BABAM2: variants seen among roughly 807,000 people sequenced by gnomAD.
The protein encoded by BABAM2 is BRISC and BRCA1 A complex member 2.
In BABAM2, 31 loss-of-function variants were observed where a neutral mutation model predicts 54.7. The observed-to-expected ratio is 0.57, with a 90% CI of 0.43 to 0.77. The LOEUF (loss-of-function observed/expected upper bound fraction) is 0.77, where lower values mean the gene tolerates loss of function less well. BABAM2 is among the 30% of genes least tolerant of loss of function. The pLI is 0.00. For missense variants in BABAM2, 364 were observed against 455.8 expected (o/e 0.80, Z 1.83); for synonymous variants, 167 against 162.9 (o/e 1.03, Z -0.19).
At chr2:28,096,649 C>T (rs2148701577) in intron 6 of BABAM2, among the ~76,000 whole-genome samples, 1 of 152,196 alleles carries the variant, frequency 6.6e-6, no homozygotes, top group Non-Finnish European at 1.5e-5. Context: ...ATTATGTTAA[C>T]ATGTCATAGT....
intron 7 of BABAM2, among the ~76,000 whole-genome samples, chr2:28,149,345 C>G (rs1209811816): frequency 1.3e-5 from 2 of 152,100 alleles, no homozygotes; most frequent in African/African-American, 4.8e-5. Context: ...GGCCTTCATT[C>G]CCCCGTCTTG....
chr2:28,083,320 C>T (rs1263176119), intron 6 of BABAM2, among the ~76,000 whole-genome samples: 1 of 152,158 alleles, frequency 6.6e-6, no homozygotes, highest in East Asian at 1.9e-4. Context: ...TCAGTACCAC[C>T]TCCTCAACCC....
At chr2:28,308,077 C>T (rs1688718961) in intron 11 of BABAM2, 2 of 222,286 alleles carry the variant, frequency 9.0e-6, no homozygotes, top group South Asian at 7.0e-5. Context: ...AACTGAGGCT[C>T]AGAGTGATTA....
chr2:27,949,427 G>C (rs910243623), intron 3 of BABAM2, among the ~76,000 whole-genome samples: 1 of 152,028 alleles, frequency 6.6e-6, no homozygotes, highest in Non-Finnish European at 1.5e-5. Context: ...CCAGGTACTT[G>C]GGAGGCCGAG....
chr2:28,289,625 C>CA (rs1216867676), intron 10 of BABAM2, among the ~76,000 whole-genome samples: 6 of 151,752 alleles, frequency 4.0e-5, no homozygotes, highest in East Asian at 3.9e-4. Flanking sequence ...CCCATCTCTA[C>CA]AAAAAAAATA....
chr2:28,111,892 G>A (rs186284219), intron 6 of BABAM2, among the ~76,000 whole-genome samples: 5 of 151,830 alleles, frequency 3.3e-5, no homozygotes, highest in East Asian at 2.0e-4. Context: ...TTTGGGTGCT[G>A]ATACTGGTCC....
intron 3 of BABAM2, among the ~76,000 whole-genome samples, chr2:27,932,769 A>G (rs1339407437): frequency 6.6e-6 from 1 of 152,088 alleles, no homozygotes; most frequent in Non-Finnish European, 1.5e-5. Context: ...AGAAACTTTT[A>G]TGGGTTTACT....
At chr2:27,894,009 A>AG (rs1404395413) in intron 1 of BABAM2, among the ~76,000 whole-genome samples, 1 of 151,932 alleles carries the variant, frequency 6.6e-6, no homozygotes, top group African/African-American at 2.4e-5. Flanking sequence ...AAAAGAAAAA[A>AG]AAAGAAAGAT....
rs537917851 is a variant in BABAM2, at chr2:28,074,150, G to A, written c.570+28351G>A. Among the ~76,000 whole-genome samples, 53 of 152,224 alleles carry A rather than the reference G, an allele frequency of 3.5e-4. 1 individual carries two copies. Among genetic ancestry groups the A allele is most frequent in the African/African-American group, 1.2e-3 (49 of 41,536 alleles). The stretch of plus-strand genomic sequence containing the variant: ...CTGGTTATACTTGGAAGAAATTGCT[G>A]GGGCCATTAGGAATTGGGGTAGTGG... On this transcript the variant is annotated intron_variant, in intron 6 of 11. Transcript: ENST00000379624.
At chr2:28,183,775 G>A (rs200158356) in intron 7 of BABAM2, among the ~76,000 whole-genome samples, 32 of 38,314 alleles carry the variant, frequency 8.4e-4, no homozygotes, top group East Asian at 2.1e-3. Context: ...ACACACACAC[G>A]TACATTGACT....
chr2:27,939,105 A>G (rs904046912), intron 3 of BABAM2, among the ~76,000 whole-genome samples: 1 of 152,054 alleles, frequency 6.6e-6, no homozygotes, highest in African/African-American at 2.4e-5. Flanking sequence ...GGCACTGGCC[A>G]CCATGCCCAG....
intron 7 of BABAM2, among the ~76,000 whole-genome samples, chr2:28,211,608 T>TG (rs1679467239): frequency 6.6e-6 from 1 of 151,958 alleles, no homozygotes; most frequent in Non-Finnish European, 1.5e-5. Context: ...AGGCTGGTCT[T>TG]GAACTCCTGA....
At chr2:28,233,922 C>T (rs1028315186) in intron 7 of BABAM2, among the ~76,000 whole-genome samples, 4 of 152,204 alleles carry the variant, frequency 2.6e-5, no homozygotes, top group Non-Finnish European at 5.9e-5. Context: ...GGAGATGAGC[C>T]GTACATCACA....
Position 28,031,613 on chromosome 2 carries a change from C to A in BABAM2, c.495+6193C>A, listed in dbSNP as rs1007695944. ...CCTTGGCTCCTGAGACTGTTAAAAT[C>A]CAATTTGGAAGGTTTAATCTGTATC... On this transcript the variant is annotated intron_variant, in intron 5 of 11. Transcript: ENST00000379624. 2.6e-5 allele frequency among the ~76,000 whole-genome samples: 4 copies of A among 151,966 alleles called. No homozygotes were observed. In the East Asian group the frequency reaches 5.8e-4, roughly 22 times the overall value.
At chr2:28,111,648 G>A (rs1262914723) in intron 6 of BABAM2, among the ~76,000 whole-genome samples, 1 of 150,518 alleles carries the variant, frequency 6.6e-6, no homozygotes, top group East Asian at 2.0e-4. Flanking sequence ...ACTTCAGTGT[G>A]TTGCTTTTCA....
chr2:28,309,967 T>G, intron 11 of BABAM2: 1 of 1,157,952 alleles, frequency 8.6e-7, no homozygotes, highest in Non-Finnish European at 1.3e-6. Context: ...CCTTATGGGG[T>G]TTAGAAGTAG....
intron 10 of BABAM2, among the ~76,000 whole-genome samples, chr2:28,276,749 TA>T (rs1164424973): frequency 6.6e-6 from 1 of 152,224 alleles, no homozygotes; most frequent in Non-Finnish European, 1.5e-5. Context: ...CCTAAAATAT[TA>T]AAATTCTAGT....
intron 7 of BABAM2, among the ~76,000 whole-genome samples, chr2:28,154,715 A>G (rs77522932): frequency 0.013 from 2,028 of 152,312 alleles, 41 homozygotes; most frequent in African/African-American, 0.046. Context: ...AAGAGTCGTT[A>G]AAAATCATAT....
At chr2:28,238,172 T>G (rs1458031297) in intron 8 of BABAM2, among the ~76,000 whole-genome samples, 1 of 152,216 alleles carries the variant, frequency 6.6e-6, no homozygotes, top group Non-Finnish European at 1.5e-5. Flanking sequence ...TTATACTCAG[T>G]CAGATGATCT....
Sources: allele counts gnomAD v4.1 joint callset (sites outside exome capture counted in the v4.1 genomes callset), GRCh38; gene constraint gnomAD v4.1.1; transcripts MANE v1.5; gene names NCBI Gene and HGNC (gene_info 2026-07-23, HGNC 2026-07-21).